The following CAST variants were observed in gnomAD, a reference collection of about 807,000 sequenced individuals.
CAST encodes calpastatin, also known as MIR583 host.
A neutral mutation model predicts 119.6 loss-of-function variants in CAST; 76 were observed. The ratio of observed to expected loss-of-function variants is 0.64; its 90% CI spans 0.53 to 0.77. The LOEUF (loss-of-function observed/expected upper bound fraction) is 0.77, where lower values mean the gene tolerates loss of function less well. Ranked by LOEUF, CAST falls within the 30% of genes least tolerant of loss-of-function variation. CAST has a pLI of 0.00. For missense variants in CAST, 953 were observed against 946.5 expected (o/e 1.01, Z -0.09); for synonymous variants, 319 against 331.6 (o/e 0.96, Z 0.41).
At chr5:96,426,275 C>G in the CAST span, among the ~76,000 whole-genome samples, 3 of 152,272 alleles carry the variant, frequency 2.0e-5, no homozygotes, top group Admixed American at 6.5e-5. Context: ...GGTTTCAGGG[C>G]TCCATGGCTG....
At chr5:96,169,253 C>G in the CAST span, among the ~76,000 whole-genome samples, 50 of 152,228 alleles carry the variant, frequency 3.3e-4, no homozygotes, top group African/African-American at 1.0e-3. Flanking sequence ...GTCTGTGAAG[C>G]CTTGCAGCAG....
At chr5:96,275,288 A>G in the CAST span, among the ~76,000 whole-genome samples, 5 of 152,224 alleles carry the variant, frequency 3.3e-5, no homozygotes, top group Non-Finnish European at 7.3e-5. Flanking sequence ...AAGCAGAGAC[A>G]TTACTAAAGA....
the CAST span, among the ~76,000 whole-genome samples, chr5:96,186,886 C>T: frequency 2.0e-5 from 3 of 152,144 alleles, no homozygotes; most frequent in African/African-American, 7.2e-5. Context: ...GGAGGAGTCC[C>T]TCCTTTTCAA....
chr5:96,095,653 C>T, the CAST span, among the ~76,000 whole-genome samples: 1 of 147,830 alleles, frequency 6.8e-6, no homozygotes, highest in Non-Finnish European at 1.5e-5. Context: ...AACAATACTC[C>T]TCATTTTAAG....
chr5:96,103,663 G>A, the CAST span, among the ~76,000 whole-genome samples: 4,135 of 151,442 alleles, frequency 0.027, 149 homozygotes, highest in African/African-American at 0.094. Context: ...ATAAACATAC[G>A]TGTGCATGTG....
At chr5:96,584,725 T>C (rs1746827744) in intron 1 of CAST, 1 of 152,142 alleles carries the variant, frequency 6.6e-6, no homozygotes, top group Admixed American at 6.5e-5. Context: ...AGGAGGAGTC[T>C]TTTCAAGTTA....
rs1277857826 is a variant in CAST at position 96,675,559 on chromosome 5, T to C, written c.96T>C (p.Ser32=). 6.2e-7 allele frequency: 1 copy of C among 1,613,398 alleles called. No individual in the cohort carries two copies. The highest frequency in any genetic ancestry group is 1.7e-5 in the Admixed American group (1 of 60,016). Reference sequence around the variant, plus strand: ...TATAGCATGTCAGTGAAAAAACCAGTGAATCGCCTTCCAAACCAGGAGAAA... The same window carrying C: ...TATAGCATGTCAGTGAAAAAACCAGCGAATCGCCTTCCAAACCAGGAGAAA... The part of the protein sequence containing the change: ...RTHEHVSEKT[S]ESPSKPGEKK... Residue 32 remains serine (S), a synonymous_variant, in exon 2 of 32, where the codon AGT becomes AGC. Coordinates refer to ENST00000675179, the MANE Select transcript of CAST (RefSeq NM_001750.7).
chr5:96,307,290 C>T, the CAST span, among the ~76,000 whole-genome samples: 1,585 of 151,628 alleles, frequency 0.01, 27 homozygotes, highest in African/African-American at 0.036. Context: ...CTTTTTTTGC[C>T]TTCCATGTTC....
At chr5:96,280,621 A>G in the CAST span, among the ~76,000 whole-genome samples, 1 of 152,240 alleles carries the variant, frequency 6.6e-6, no homozygotes, top group Admixed American at 6.5e-5. Flanking sequence ...CACTTCTGTA[A>G]AATGGTAACA....
chr5:96,006,042 C>T, the CAST span, among the ~76,000 whole-genome samples: 1 of 152,018 alleles, frequency 6.6e-6, no homozygotes, highest in Non-Finnish European at 1.5e-5. Context: ...TTATTCTTCC[C>T]AAAAATACGA....
the CAST span, among the ~76,000 whole-genome samples, chr5:96,430,079 A>C: frequency 3.5e-4 from 53 of 152,362 alleles, no homozygotes; most frequent in Admixed American, 3.0e-3. Flanking sequence ...TCATAGTGAT[A>C]AATTGCTATT....
chr5:96,104,515 T>A, the CAST span, among the ~76,000 whole-genome samples: 1 of 152,086 alleles, frequency 6.6e-6, no homozygotes, highest in African/African-American at 2.4e-5. Context: ...TGCTTGTTTT[T>A]CTCAGGTTTG....
the CAST span, among the ~76,000 whole-genome samples, chr5:96,034,316 T>C: frequency 6.6e-6 from 1 of 151,828 alleles, no homozygotes; most frequent in South Asian, 2.1e-4. Flanking sequence ...CTAGTGTTGA[T>C]GAGGATGTGG....
the CAST span, among the ~76,000 whole-genome samples, chr5:96,209,623 A>G: frequency 1.3e-5 from 2 of 151,952 alleles, no homozygotes; most frequent in Non-Finnish European, 2.9e-5. Flanking sequence ...TCTTTTCTTT[A>G]AGAATATTGA....
At chr5:96,295,891 A>G in the CAST span, among the ~76,000 whole-genome samples, 2 of 152,198 alleles carry the variant, frequency 1.3e-5, no homozygotes, top group African/African-American at 4.8e-5. Context: ...ATATATATAT[A>G]TGCACACACA....
At chr5:96,178,176 G>T in the CAST span, among the ~76,000 whole-genome samples, 1 of 152,122 alleles carries the variant, frequency 6.6e-6, no homozygotes, top group Non-Finnish European at 1.5e-5. Context: ...TCAGTCTCAA[G>T]ATTTCTTCCA....
chr5:96,663,428 G>T (rs1156559078), intron 1 of CAST, among the ~76,000 whole-genome samples: 1 of 152,244 alleles, frequency 6.6e-6, no homozygotes, highest in Non-Finnish European at 1.5e-5. Flanking sequence ...CAAGCACTAT[G>T]CTCTGCTGGC....
At chr5:96,762,425 GAAAGA>G (rs1398881855) in intron 25 of CAST, 53 bp downstream of exon 25, 2 of 1,318,222 alleles carry the variant, frequency 1.5e-6, no homozygotes, top group African/African-American at 3.0e-5. Context: ...GCCACAACTA[GAAAGA>G]AAATAGGGCG....
At chr5:96,109,707 G>T in the CAST span, among the ~76,000 whole-genome samples, 1 of 152,214 alleles carries the variant, frequency 6.6e-6, no homozygotes, top group Non-Finnish European at 1.5e-5. Flanking sequence ...TGGCAAAGTT[G>T]TCTGGTGGGT....
Sources: allele counts gnomAD v4.1 joint callset (sites outside exome capture counted in the v4.1 genomes callset), GRCh38; gene constraint gnomAD v4.1.1; transcripts MANE v1.5; gene names NCBI Gene and HGNC (gene_info 2026-07-23, HGNC 2026-07-21).